Variants in COL25A1 observed in about 807,000 individuals in gnomAD.
COL25A1 encodes collagen type XXV alpha 1 chain.
A neutral mutation model predicts 128.4 loss-of-function variants in COL25A1; 103 were observed. The ratio of observed to expected loss-of-function variants is 0.80; its 90% CI spans 0.68 to 0.94. The LOEUF is 0.94. Ranked by LOEUF, COL25A1 falls within the 40% of genes least tolerant of loss-of-function variation. The pLI is 0.00. For synonymous variants in COL25A1, 279 were observed against 277.2 expected (o/e 1.01, Z -0.06); for missense variants, 745 against 840.0 (o/e 0.89, Z 1.40).
At chr4:108,876,538 T>G (rs752321127) in intron 19 of COL25A1, among the ~76,000 whole-genome samples, 1 of 152,216 alleles carries the variant, frequency 6.6e-6, no homozygotes, top group Non-Finnish European at 1.5e-5. Context: ...ATGTATTATC[T>G]AACCCTTAAA....
Position 108,824,229 on chromosome 4 carries a change from T to C in COL25A1, c.1792-2A>G, listed in dbSNP as rs1732108185. The C allele has an allele frequency of 2.5e-6, 4 of 1,605,074 alleles. No individual in the cohort carries two copies. Among genetic ancestry groups the C allele is most frequent in the Non-Finnish European group, 3.4e-6 (4 of 1,176,426 alleles). ...CTCACCCCGTGGACCAGGGAAGCCC[T>C]GTAAGATAAAAAGCAAACCAAAAAG... On this transcript the variant is annotated splice_acceptor_variant, in intron 34 of 37. Coordinates refer to ENST00000399132, the MANE Select transcript of COL25A1 (RefSeq NM_198721.4). LOFTEE classifies it high-confidence loss of function.
intron 3 of COL25A1, among the ~76,000 whole-genome samples, chr4:109,149,942 A>ATGTG (rs113005218): frequency 3.4e-5 from 5 of 148,770 alleles, no homozygotes; most frequent in South Asian, 2.1e-4. Context: ...ATGTGTATGT[A>ATGTG]TGTGTGTGTG....
chr4:108,971,052 C>T (rs985381117), intron 8 of COL25A1, among the ~76,000 whole-genome samples: 1 of 152,022 alleles, frequency 6.6e-6, no homozygotes, highest in Non-Finnish European at 1.5e-5. Flanking sequence ...TTCAGTGTAT[C>T]CTCCTAAAGA....
chr4:109,277,219 T>C (rs1173070362), intron 3 of COL25A1, among the ~76,000 whole-genome samples: 1 of 152,198 alleles, frequency 6.6e-6, no homozygotes, highest in Non-Finnish European at 1.5e-5. Flanking sequence ...TCCATGCTTC[T>C]AAAAGGGATG....
At position 109,211,726 on chromosome 4, in the gene COL25A1, C is replaced by A. The variant is rs138770129; in HGVS notation, c.367+88857G>T. 3.5e-4 allele frequency among the ~76,000 whole-genome samples: 54 copies of A among 152,222 alleles called. 1 individual carries two copies. Among genetic ancestry groups the A allele is most frequent in the African/African-American group, 1.3e-3 (52 of 41,550 alleles). ...CGTTGCTGGAGATTCTTTGACCCTGCCAAATACGTTTCTAATCTGGTTGTT... is the reference window on the plus strand; with the variant it reads ...CGTTGCTGGAGATTCTTTGACCCTGACAAATACGTTTCTAATCTGGTTGTT... On this transcript the variant is annotated intron_variant, in intron 3 of 37. Transcript: ENST00000399132.
intron 3 of COL25A1, among the ~76,000 whole-genome samples, chr4:109,224,135 T>C (rs1778611286): frequency 6.6e-6 from 1 of 152,164 alleles, no homozygotes; most frequent in Non-Finnish European, 1.5e-5. Flanking sequence ...AACACAGGTT[T>C]TTCCAAGCCA....
chr4:109,165,101 T>G (rs938721860), intron 3 of COL25A1, among the ~76,000 whole-genome samples: 17 of 152,214 alleles, frequency 1.1e-4, no homozygotes, highest in Middle Eastern at 3.2e-3. Flanking sequence ...AGAACTAGAC[T>G]GTGTATTCTC....
chr4:108,968,779 A>G (rs1373948710), intron 8 of COL25A1, among the ~76,000 whole-genome samples: 6 of 152,146 alleles, frequency 3.9e-5, no homozygotes, highest in African/African-American at 9.7e-5. Context: ...CACTATTCCA[A>G]TGAAATATCT....
At chr4:109,119,751 G>T (rs529526229) in intron 3 of COL25A1, among the ~76,000 whole-genome samples, 7 of 152,012 alleles carry the variant, frequency 4.6e-5, no homozygotes, top group Non-Finnish European at 7.4e-5. Flanking sequence ...CAAGAAGATA[G>T]AAACAGAGGA....
intron 3 of COL25A1, among the ~76,000 whole-genome samples, chr4:109,051,620 TACACACACACAC>T (rs61340199): frequency 2.0e-5 from 3 of 148,446 alleles, no homozygotes; most frequent in African/African-American, 7.5e-5. Flanking sequence ...CACACATACA[TACACACACACAC>T]ACACACACAC....
intron 8 of COL25A1, among the ~76,000 whole-genome samples, chr4:108,963,888 C>T (rs1281354197): frequency 4.6e-5 from 7 of 151,142 alleles, no homozygotes; most frequent in Admixed American, 2.0e-4. Flanking sequence ...GCCCCTAAGC[C>T]TGAAAAGATA....
At chr4:109,107,875 C>A (rs1222693392) in intron 3 of COL25A1, among the ~76,000 whole-genome samples, 1 of 152,232 alleles carries the variant, frequency 6.6e-6, no homozygotes, top group African/African-American at 2.4e-5. Flanking sequence ...CAGCTTACCA[C>A]TGAACAGAGG....
intron 3 of COL25A1, among the ~76,000 whole-genome samples, chr4:109,239,865 A>G (rs1274432980): frequency 6.6e-6 from 1 of 152,060 alleles, no homozygotes; most frequent in African/African-American, 2.4e-5. Flanking sequence ...ATAGACTTCC[A>G]ATTTTTAAAT....
At chr4:108,990,272 A>ATC (rs1553992951) in intron 6 of COL25A1, among the ~76,000 whole-genome samples, 36 of 123,628 alleles carry the variant, frequency 2.9e-4, no homozygotes, top group African/African-American at 9.8e-4. Context: ...ATATATATAT[A>ATC]TCTCAAAAGA....
chr4:108,901,160 A>G lies in COL25A1; in HGVS notation c.793T>C (p.Leu265=), dbSNP rs1742798750. Residue 265 remains leucine (L), a synonymous_variant, in exon 14 of 38, where the codon TTG becomes CTG. Coordinates refer to ENST00000399132, the MANE Select transcript of COL25A1 (RefSeq NM_198721.4). ...GMNGQKGEPG[L]PGAVGQNGIP... ...CCATTCTGTCCTACTGCTCCAGGCA[A>G]CCCGGGCTCACCCTCAAAATAGAAA... 5.0e-6 allele frequency: 8 copies of G among 1,611,892 alleles called. No individual in the cohort carries two copies. In the South Asian group the frequency reaches 7.7e-5, roughly 16 times the overall value.
intron 3 of COL25A1, among the ~76,000 whole-genome samples, chr4:109,201,716 T>C (rs747523427): frequency 1.3e-5 from 2 of 152,178 alleles, no homozygotes; most frequent in African/African-American, 2.4e-5. Context: ...CCACAGATTA[T>C]ATAATTGTTA....
chr4:108,860,811 C>A, intron 23 of COL25A1, 116 bp downstream of exon 23: 1 of 884,200 alleles, frequency 1.1e-6, no homozygotes, highest in South Asian at 1.5e-5. Flanking sequence ...TAGTCTACCT[C>A]CAATACTATT....
At chr4:109,207,619 A>G (rs556085357) in intron 3 of COL25A1, among the ~76,000 whole-genome samples, 2 of 152,304 alleles carry the variant, frequency 1.3e-5, no homozygotes, top group South Asian at 4.1e-4. Context: ...ATATGTTCAG[A>G]TAAGTGTTAA....
chr4:109,086,016 CT>C (rs1764334484), intron 3 of COL25A1, among the ~76,000 whole-genome samples: 1 of 152,156 alleles, frequency 6.6e-6, no homozygotes, highest in African/African-American at 2.4e-5. Context: ...GACACTTCCC[CT>C]GAAAGATTAT....
Sources: allele counts gnomAD v4.1 joint callset (sites outside exome capture counted in the v4.1 genomes callset), GRCh38; gene constraint gnomAD v4.1.1; transcripts MANE v1.5; gene names NCBI Gene and HGNC (gene_info 2026-07-23, HGNC 2026-07-21).